PHIP: variants seen among roughly 807,000 people sequenced by gnomAD.
PHIP encodes the protein PHIP subunit of CUL4-Ring ligase complex.
Under a neutral mutation model 236.8 loss-of-function variants are expected in PHIP, and 54 were observed. The ratio of observed to expected loss-of-function variants is 0.23; its 90% confidence interval spans 0.18 to 0.29. PHIP has a LOEUF of 0.29. Ranked by LOEUF, PHIP falls within the 10% of genes least tolerant of loss-of-function variation. The pLI is 1.00. For synonymous variants in PHIP, 756 were observed against 718.9 expected (o/e 1.05, Z -0.83); for missense variants, 1,370 against 2,190.8 (o/e 0.63, Z 7.48).
In PHIP at chr6:78,985,542, T is replaced by A. The variant is rs115038173; in HGVS notation, c.2461-114A>T. On this transcript the variant is annotated intron_variant, in intron 21 of 39. Coordinates refer to ENST00000275034, the MANE Select transcript of PHIP (RefSeq NM_017934.7). ...TCAGTCATATTGGGATATTTAAAATTTGATTTAAATTAGTTGCAAAGGGTG... is the reference window on the plus strand; with the variant it reads ...TCAGTCATATTGGGATATTTAAAATATGATTTAAATTAGTTGCAAAGGGTG... The A allele has an allele frequency of 3.7e-4, 265 of 724,684 alleles. No individual in the cohort carries two copies. In the African/African-American group the frequency reaches 4.3e-3, roughly 12 times the overall value. The allele number at this position is 724,684 out of a possible 1,614,324, so 44.9% of individuals were successfully genotyped here. A position where few individuals can be genotyped will look rare whatever the true frequency, so the allele number is the denominator to read the frequency against.
At chr6:78,975,164 G>C (rs1216376326) in intron 24 of PHIP, among the ~76,000 whole-genome samples, 1 of 151,890 alleles carries the variant, frequency 6.6e-6, no homozygotes, top group Admixed American at 6.6e-5. Context: ...ACATCAAAAA[G>C]CTTATCCACC....
At chr6:79,068,474 G>A (rs1280337859) in intron 4 of PHIP, among the ~76,000 whole-genome samples, 8 of 151,998 alleles carry the variant, frequency 5.3e-5, no homozygotes, top group Admixed American at 2.0e-4. Context: ...AAAACAAAGC[G>A]AAATAAACAA....
In PHIP at chr6:79,017,739, T is replaced by G. The variant is rs187403930; in HGVS notation, c.995-156A>C. ...ATCCTAAATATATAACACATCTAAC[T>G]GGAATTTAAGAAAGAAGTTTATGAA... is the stretch of plus-strand genomic sequence containing the variant. On this transcript the variant is annotated intron_variant, in intron 10 of 39. Coordinates refer to ENST00000275034, the MANE Select transcript of PHIP (RefSeq NM_017934.7). Among the ~76,000 whole-genome samples the G allele has an allele frequency of 2.8e-3, 425 of 152,038 alleles. No individual in the cohort carries two copies. The highest frequency in any genetic ancestry group is 4.8e-3 in the Non-Finnish European group (328 of 67,810).
At position 78,940,924 on chromosome 6, in the gene PHIP, C is replaced by G. The variant is rs993526839; in HGVS notation, c.5235G>C (p.Lys1745Asn). 1.7e-5 allele frequency: 27 copies of G among 1,613,822 alleles called. No homozygotes were observed. The highest frequency in any genetic ancestry group is 2.7e-5 in the African/African-American group (2 of 74,900). The part of the protein sequence containing the change: ...VKVLRRSNRK[K>N]IDDPIDEEEE... ...CTTCCTCATCTATAGGATCATCTAT[C>G]TTTTTTCGGTTACTTCTCCTTAACA... Residue 1745 changes from lysine (K) to asparagine (N), a missense_variant, in exon 40 of 40, where the codon AAG (lysine) becomes AAC (asparagine). Coordinates refer to ENST00000275034, the MANE Select transcript of PHIP (RefSeq NM_017934.7).
At chr6:78,950,880 C>G (rs1774102831) in intron 35 of PHIP, among the ~76,000 whole-genome samples, 1 of 151,860 alleles carries the variant, frequency 6.6e-6, no homozygotes, top group South Asian at 2.1e-4. Flanking sequence ...TGTTGGCTTA[C>G]CTTTGGGTGA....
chr6:78,945,759 T>TA, intron 38 of PHIP: 1 of 599,332 alleles, frequency 1.7e-6, no homozygotes, highest in South Asian at 2.2e-5. Flanking sequence ...GTGGGTACTG[T>TA]GATTTAAATT....
rs1582199955 is a variant in PHIP at position 79,000,489 on chromosome 6, A to G, written c.1879+1410T>C. Among the ~76,000 whole-genome samples, 3 of 152,214 alleles carry G rather than the reference A, an allele frequency of 2.0e-5. No homozygotes were observed. In the East Asian group the frequency reaches 5.8e-4, roughly 29 times the overall value. On this transcript the variant is annotated intron_variant, in intron 17 of 39. Transcript: ENST00000275034. Reference sequence around the variant, plus strand: ...TACAGGATTAAATATTGTTTATGAAAGCCCTTTATAAATTGGTAAATGGAT... The same window carrying G: ...TACAGGATTAAATATTGTTTATGAAGGCCCTTTATAAATTGGTAAATGGAT...
chr6:78,991,326 G>C (rs1264806741), intron 19 of PHIP, among the ~76,000 whole-genome samples: 1 of 147,672 alleles, frequency 6.8e-6, no homozygotes, highest in Non-Finnish European at 1.5e-5. Flanking sequence ...TTTTTTTTAG[G>C]ATAGGGCCTA....
chr6:78,981,462 T>C (rs539469705), intron 23 of PHIP, among the ~76,000 whole-genome samples: 3 of 152,136 alleles, frequency 2.0e-5, no homozygotes, highest in Admixed American at 2.0e-4. Flanking sequence ...ACCCACATAA[T>C]TCTATTGGCA....
At chr6:78,992,703 T>C (rs1316372864) in intron 19 of PHIP, among the ~76,000 whole-genome samples, 1 of 152,200 alleles carries the variant, frequency 6.6e-6, no homozygotes, top group East Asian at 1.9e-4. Flanking sequence ...CTCACCTATA[T>C]AGAACAATGA....
At position 79,058,532 on chromosome 6, in the gene PHIP, C is replaced by T. The variant is rs1416077347; in HGVS notation, c.439+1946G>A. On this transcript the variant is annotated intron_variant, in intron 6 of 39. Coordinates refer to ENST00000275034, the MANE Select transcript of PHIP (RefSeq NM_017934.7). Reference sequence around the variant, plus strand: ...TCAGTTTACTGGGAATAAAGCATAGCATAATGGAGTCAAACAGTCTGGGTT... The same window carrying T: ...TCAGTTTACTGGGAATAAAGCATAGTATAATGGAGTCAAACAGTCTGGGTT... Among the ~76,000 whole-genome samples, 4 of 152,076 alleles carry T rather than the reference C, an allele frequency of 2.6e-5. No individual in the cohort carries two copies. In the South Asian group the frequency reaches 8.3e-4, roughly 32 times the overall value.
At position 78,935,297 on chromosome 6, in the gene PHIP, A is replaced by G. The variant is rs1314759358; in HGVS notation, c.*5396T>C. Among the ~76,000 whole-genome samples, 1 of 152,182 alleles carries G rather than the reference A, an allele frequency of 6.6e-6. No homozygotes were observed. The highest frequency in any genetic ancestry group is 1.5e-5 in the Non-Finnish European group (1 of 68,014). ...AGGGAGAAATTAACACAAAATTACAAATCACTCCATGTGCTTAATTTGAAA... is the reference window on the plus strand; with the variant it reads ...AGGGAGAAATTAACACAAAATTACAGATCACTCCATGTGCTTAATTTGAAA... On this transcript the variant is annotated 3_prime_UTR_variant, in exon 40 of 40. Transcript: ENST00000275034.
chr6:78,977,791 C>A (rs1768216473), intron 24 of PHIP, among the ~76,000 whole-genome samples: 1 of 152,126 alleles, frequency 6.6e-6, no homozygotes, highest in Non-Finnish European at 1.5e-5. Context: ...TCGTATGAGG[C>A]AAGTAGGATT....
intron 9 of PHIP, among the ~76,000 whole-genome samples, chr6:79,025,226 T>C (rs139130469): frequency 0.032 from 4,807 of 152,120 alleles, 90 homozygotes; most frequent in Middle Eastern, 0.058. Flanking sequence ...AAAGCAGCTA[T>C]TAAAACTATG....
At position 78,941,168 on chromosome 6, in the gene PHIP, T is replaced by C; in HGVS notation, c.4991A>G (p.Lys1664Arg). ...TTCTGGCTTTGCATACTGTAGCTTT[T>C]TGGGCTTTCTACCCCTTTTCTTGTG... ...IIHKKRGRKP[K>R]KLQYAKPEDL... Residue 1664 changes from lysine (K) to arginine (R), a missense_variant, in exon 40 of 40, where the codon AAA becomes AGA. Lys to Arg is a conservative substitution (Grantham distance 26). Around this residue, in one of 14 missense-constraint regions of PHIP, gnomAD observed 309 missense variants for 328.3 expected, o/e 0.94. Transcript: ENST00000275034. 6.2e-7 allele frequency: 1 copy of C among 1,614,128 alleles called. No homozygotes were observed. The highest frequency in any genetic ancestry group is 8.5e-7 in the Non-Finnish European group (1 of 1,179,982).
chr6:79,059,625 A>ATATATAT (rs1562216779), intron 6 of PHIP, among the ~76,000 whole-genome samples: 10 of 58,180 alleles, frequency 1.7e-4, no homozygotes, highest in Admixed American at 3.6e-4. Flanking sequence ...ATATATATAT[A>ATATATAT]AAAATGCCAA....
rs561453528 is a variant in PHIP, at chr6:78,993,155, A to G, written c.2202-2170T>C. On this transcript the variant is annotated intron_variant, in intron 19 of 39. Transcript: ENST00000275034. Reference sequence around the variant, plus strand: ...TAATCCAGAGCAAGGCTCTAACTCTATTCTCTTCTATGAAGGTTGGAAGAG... The same window carrying G: ...TAATCCAGAGCAAGGCTCTAACTCTGTTCTCTTCTATGAAGGTTGGAAGAG... Among the ~76,000 whole-genome samples, 3 of 152,334 alleles carry G rather than the reference A, an allele frequency of 2.0e-5. No homozygotes were observed. In the South Asian group the frequency reaches 6.2e-4, roughly 32 times the overall value.
At chr6:78,995,028 C>T (rs925831638) in intron 19 of PHIP, among the ~76,000 whole-genome samples, 1 of 152,192 alleles carries the variant, frequency 6.6e-6, no homozygotes, top group African/African-American at 2.4e-5. Flanking sequence ...ACCAAACCTG[C>T]AATATCCCCA....
intron 24 of PHIP, among the ~76,000 whole-genome samples, chr6:78,975,014 C>T (rs9343857): frequency 1.3e-5 from 2 of 151,032 alleles, no homozygotes; most frequent in Non-Finnish European, 3.0e-5. Context: ...TCCCCCCTAA[C>T]TCATTTTATG....
Sources: allele counts gnomAD v4.1 joint callset (sites outside exome capture counted in the v4.1 genomes callset), GRCh38; gene constraint gnomAD v4.1.1; regional missense constraint gnomAD v4.1.1; transcripts MANE v1.5; gene names NCBI Gene and HGNC (gene_info 2026-07-23, HGNC 2026-07-21).